Variants in GRM2 observed in about 807,000 individuals in gnomAD.
GRM2 encodes the protein metabotropic glutamate receptor 2.
In GRM2, 35 loss-of-function variants were observed where a neutral mutation model predicts 60.4. The observed-to-expected ratio is 0.58, with a 90% confidence interval of 0.44 to 0.77. The LOEUF (loss-of-function observed/expected upper bound fraction) is 0.77, where lower values mean the gene tolerates loss of function less well. Ranked by LOEUF, GRM2 falls within the 30% of genes least tolerant of loss-of-function variation. The pLI is 0.00. For missense variants in GRM2, 925 were observed against 1,199.5 expected (o/e 0.77, Z 3.38); for synonymous variants, 437 against 484.1 (o/e 0.90, Z 1.28).
In GRM2 at chr3:51,718,034, C is replaced by G. The variant is rs1419467616; in HGVS notation, c.2546-5C>G. ...TGGCCCCAACCTCTGGCTTCCTTTTCTTAGGGTCTGGCTCCCAGTTTGTCC... is the reference window on the plus strand; with the variant it reads ...TGGCCCCAACCTCTGGCTTCCTTTTGTTAGGGTCTGGCTCCCAGTTTGTCC... On this transcript the variant is annotated splice_polypyrimidine_tract_variant and splice_region_variant and intron_variant, in intron 5 of 5. Coordinates refer to ENST00000395052, the MANE Select transcript of GRM2 (RefSeq NM_000839.5). The surrounding 1 kb of genome is among the most constrained non-coding windows in gnomAD (Gnocchi z 4.2). 1 of 1,614,018 alleles carries G rather than the reference C, an allele frequency of 6.2e-7. No individual in the cohort carries two copies. Among genetic ancestry groups the G allele is most frequent in the Non-Finnish European group, 8.5e-7 (1 of 1,179,866 alleles).
Position 51,716,140 on chromosome 3 carries a change from G to A in GRM2, c.2364+3G>A. On this transcript the variant is annotated splice_donor_region_variant and intron_variant, in intron 4 of 5. Coordinates refer to ENST00000395052, the MANE Select transcript of GRM2 (RefSeq NM_000839.5). The surrounding 1 kb of genome is among the most constrained non-coding windows in gnomAD (Gnocchi z 4.0). ...ATGTCACCTCCAGTGACTACCGGGT[G>A]AGCTACCTGCCACAGAGGTCGGGGG... 1 of 1,594,292 alleles carries A rather than the reference G, an allele frequency of 6.3e-7. No homozygotes were observed. Among genetic ancestry groups the A allele is most frequent in the Middle Eastern group, 1.7e-4 (1 of 6,036 alleles).
At position 51,715,697 on chromosome 3, in the gene GRM2, G is replaced by A; in HGVS notation, c.1924G>A (p.Ala642Thr). 6.2e-7 allele frequency: 1 copy of A among 1,614,230 alleles called. No individual in the cohort carries two copies. The highest frequency in any genetic ancestry group is 8.5e-7 in the Non-Finnish European group (1 of 1,180,044). ...CTTACGGCGTCTTGGTTTGGGCACT[G>A]CCTTCTCTGTCTGCTACTCAGCCCT... ...CTLRRLGLGT[A>T]FSVCYSALLT... The change falls in exon 4 of 6, where the codon GCC (alanine) becomes ACC (threonine). Residue 642 changes from alanine (A) to threonine (T), a missense_variant. Physicochemically the swap from Ala to Thr is moderately conservative, Grantham distance 58. Coordinates refer to ENST00000395052, the MANE Select transcript of GRM2 (RefSeq NM_000839.5). This position sits in a 1 kb window ranked among gnomAD's most constrained non-coding sequence, Gnocchi z 9.0.
rs1301892428 is a variant in GRM2, at chr3:51,718,078, G to A, written c.2585G>A (p.Arg862His). ...TTTGTCCCCACTGTTTGCAATGGCC[G>A]TGAGGTGGTGGACTCGACAACGTCA... ...SQFVPTVCNG[R>H]EVVDSTTSSL Residue 862 changes from arginine to histidine, a missense_variant, in exon 6 of 6, where the codon CGT becomes CAT. Coordinates refer to ENST00000395052, the MANE Select transcript of GRM2 (RefSeq NM_000839.5). This position sits in a 1 kb window ranked among gnomAD's most constrained non-coding sequence, Gnocchi z 4.2. 3.1e-6 allele frequency: 5 copies of A among 1,614,104 alleles called. No individual in the cohort carries two copies. The highest frequency in any genetic ancestry group is 2.2e-5 in the East Asian group (1 of 44,878).
intron 1 of GRM2, 166 bp downstream of exon 1, chr3:51,707,333 C>T (rs1001539869): frequency 1.3e-5 from 2 of 152,872 alleles, no homozygotes; most frequent in African/African-American, 4.8e-5. Context: ...CCCCGGGCGT[C>T]CCGCCTTTCT....
rs1295848181 is a variant in GRM2 at position 51,717,971 on chromosome 3, C to T, written c.2546-68C>T. ...AGGGGAGGCTTCCCTCACAGCCCTG[C>T]TTCCCCACTGCCTGCCCTCCATGGA... is the stretch of plus-strand genomic sequence containing the variant. On this transcript the variant is annotated intron_variant, in intron 5 of 5. Transcript: ENST00000395052. This position sits in a 1 kb window ranked among gnomAD's most constrained non-coding sequence, Gnocchi z 6.0. 7 of 1,501,382 alleles carry T rather than the reference C, an allele frequency of 4.7e-6. No individual in the cohort carries two copies. Among genetic ancestry groups the T allele is most frequent in the Non-Finnish European group, 6.5e-6 (7 of 1,077,156 alleles). The allele number at this position is 1,501,382 out of a possible 1,614,324, so 93.0% of individuals were successfully genotyped here. A position where few individuals can be genotyped will look rare whatever the true frequency, so the allele number is the denominator to read the frequency against.
At chr3:51,707,739 TC>T (rs982629832) in intron 1 of GRM2, 2 of 152,438 alleles carry the variant, frequency 1.3e-5, no homozygotes, top group Admixed American at 1.3e-4. Flanking sequence ...AGGCTCAGCC[TC>T]CGTGGCCAGC....
In GRM2 at chr3:51,712,369, AC is replaced by A; in HGVS notation, c.451-102del. The A allele has an allele frequency of 1.3e-6, 1 of 768,410 alleles. No homozygotes were observed. Among genetic ancestry groups the A allele is most frequent in the Non-Finnish European group, 2.2e-6 (1 of 444,906 alleles). The allele number at this position is 768,410 out of a possible 1,614,324, so 47.6% of individuals were successfully genotyped here. On this transcript the variant is annotated intron_variant, in intron 2 of 5. Transcript: ENST00000395052. This position sits in a 1 kb window ranked among gnomAD's most constrained non-coding sequence, Gnocchi z 5.3. ...TTTAGAGAGGGAGCCTTTAGGCCTG[AC>A]CTTGTGGACACTTGACACCAAGACC... is the stretch of plus-strand genomic sequence containing the variant.
rs1703918142 is a variant in GRM2 at position 51,716,909 on chromosome 3, G to A, written c.2365-728G>A. ...CGGCAAAGGCCCCTTCCCCAGGACA[G>A]AGGTGTGGTGGCACAGTGCTGGGGG... On this transcript the variant is annotated intron_variant, in intron 4 of 5. Coordinates refer to ENST00000395052, the MANE Select transcript of GRM2 (RefSeq NM_000839.5). The surrounding 1 kb of genome is among the most constrained non-coding windows in gnomAD (Gnocchi z 4.0). 6.6e-6 allele frequency among the ~76,000 whole-genome samples: 1 copy of A among 152,206 alleles called. No homozygotes were observed. The highest frequency in any genetic ancestry group is 2.4e-5 in the African/African-American group (1 of 41,448).
rs1210284323 is a variant in GRM2 at position 51,715,541 on chromosome 3, G to A, written c.1768G>A (p.Val590Met). Residue 590 changes from valine (V) to methionine (M), a missense_variant, in exon 4 of 6, where the codon GTG becomes ATG. Val to Met is a conservative substitution (Grantham distance 21). Coordinates refer to ENST00000395052, the MANE Select transcript of GRM2 (RefSeq NM_000839.5). The surrounding 1 kb of genome is among the most constrained non-coding windows in gnomAD (Gnocchi z 9.0). The part of the protein sequence containing the change: ...LATLFVLGVF[V>M]RHNATPVVKA... ...CACCCTCTTTGTGCTGGGTGTCTTT[G>A]TGCGGCACAATGCCACACCAGTGGT... The A allele has an allele frequency of 1.2e-6, 2 of 1,613,720 alleles. No individual in the cohort carries two copies. Among genetic ancestry groups the A allele is most frequent in the East Asian group, 2.2e-5 (1 of 44,904 alleles).
Position 51,708,850 on chromosome 3 carries a change from G to T in GRM2, c.-134G>T. The T allele has an allele frequency of 1.6e-6, 1 of 639,270 alleles. No individual in the cohort carries two copies. Among genetic ancestry groups the T allele is most frequent in the Non-Finnish European group, 2.6e-6 (1 of 383,182 alleles). 39.6% of individuals were successfully genotyped at this position (639,270 alleles called of 1,614,324 possible). On this transcript the variant is annotated splice_region_variant and 5_prime_UTR_variant, in exon 2 of 6. Transcript: ENST00000395052. ...TCTGTCTTTCTATCTCTCTGCAGGA[G>T]CTGGGTCCCTTCGCATCTCTCTTCT...
chr3:51,718,122 A>G lies in GRM2; in HGVS notation c.*10A>G. 3 of 1,610,888 alleles carry G rather than the reference A, an allele frequency of 1.9e-6. No homozygotes were observed. Among genetic ancestry groups the G allele is most frequent in the Non-Finnish European group, 2.5e-6 (3 of 1,177,874 alleles). On this transcript the variant is annotated 3_prime_UTR_variant, in exon 6 of 6. Coordinates refer to ENST00000395052, the MANE Select transcript of GRM2 (RefSeq NM_000839.5). The surrounding 1 kb of genome is among the most constrained non-coding windows in gnomAD (Gnocchi z 4.2). ...AACGTCATCGCTTTGAAGACCCCATACTCCCGCCCTGACACAGCTGCTCCT... is the reference window on the plus strand; with the variant it reads ...AACGTCATCGCTTTGAAGACCCCATGCTCCCGCCCTGACACAGCTGCTCCT...
rs964302254 is a variant in GRM2 at position 51,707,125 on chromosome 3, C to G, written c.-179C>G. ...AGCGGGAGCCGGAGCCTCGCGCCCCCCGCTCCACTCCGATTCTCTCCGCGC... is the reference window on the plus strand; with the variant it reads ...AGCGGGAGCCGGAGCCTCGCGCCCCGCGCTCCACTCCGATTCTCTCCGCGC... On this transcript the variant is annotated 5_prime_UTR_variant, in exon 1 of 6. Transcript: ENST00000395052. The G allele has an allele frequency of 3.9e-5, 6 of 152,424 alleles. No homozygotes were observed. The highest frequency in any genetic ancestry group is 9.7e-5 in the African/African-American group (4 of 41,438). 9.4% of individuals were successfully genotyped at this position (152,424 alleles called of 1,614,324 possible). A position where few individuals can be genotyped will look rare whatever the true frequency, so the allele number is the denominator to read the frequency against.
chr3:51,718,095 A>C lies in GRM2; in HGVS notation c.2602A>C (p.Thr868Pro). Reference sequence around the variant, plus strand: ...CAATGGCCGTGAGGTGGTGGACTCGACAACGTCATCGCTTTGAAGACCCCA... The same window carrying C: ...CAATGGCCGTGAGGTGGTGGACTCGCCAACGTCATCGCTTTGAAGACCCCA... ...VCNGREVVDSTTSSL is the reference protein window; with the variant it reads ...VCNGREVVDSPTSSL The change falls in exon 6 of 6, where the codon ACA becomes CCA. Residue 868 changes from threonine (T) to proline (P), a missense_variant. Physicochemically the swap from Thr to Pro is conservative, Grantham distance 38. Coordinates refer to ENST00000395052, the MANE Select transcript of GRM2 (RefSeq NM_000839.5). The surrounding 1 kb of genome is among the most constrained non-coding windows in gnomAD (Gnocchi z 4.2). 6.2e-7 allele frequency: 1 copy of C among 1,614,040 alleles called. No homozygotes were observed. The highest frequency in any genetic ancestry group is 8.5e-7 in the Non-Finnish European group (1 of 1,179,910).
chr3:51,717,979 C>A lies in GRM2; in HGVS notation c.2546-60C>A. 3 of 1,525,154 alleles carry A rather than the reference C, an allele frequency of 2.0e-6. No homozygotes were observed. Among genetic ancestry groups the A allele is most frequent in the Non-Finnish European group, 2.7e-6 (3 of 1,098,764 alleles). The allele number at this position is 1,525,154 out of a possible 1,614,324, so 94.5% of individuals were successfully genotyped here. On this transcript the variant is annotated intron_variant, in intron 5 of 5. Coordinates refer to ENST00000395052, the MANE Select transcript of GRM2 (RefSeq NM_000839.5). This position sits in a 1 kb window ranked among gnomAD's most constrained non-coding sequence, Gnocchi z 6.0. ...CTTCCCTCACAGCCCTGCTTCCCCA[C>A]TGCCTGCCCTCCATGGAGGACCTCG...
Position 51,713,189 on chromosome 3 carries a change from C to A in GRM2, c.1167C>A (p.Ala389=). The change falls in exon 3 of 6, where the codon GCC becomes GCA. Residue 389 remains alanine (A), a synonymous_variant. Transcript: ENST00000395052. The surrounding 1 kb of genome is among the most constrained non-coding windows in gnomAD (Gnocchi z 4.8). The part of the protein sequence containing the change: ...MFVVNAVYAM[A]HALHNMHRAL... Reference sequence around the variant, plus strand: ...TGGTCAATGCAGTGTACGCCATGGCCCATGCGCTCCACAACATGCACCGTG... The same window carrying A: ...TGGTCAATGCAGTGTACGCCATGGCACATGCGCTCCACAACATGCACCGTG... 1 of 1,613,180 alleles carries A rather than the reference C, an allele frequency of 6.2e-7. No individual in the cohort carries two copies. The highest frequency in any genetic ancestry group is 1.1e-5 in the South Asian group (1 of 91,086).
intron 2 of GRM2, among the ~76,000 whole-genome samples, chr3:51,709,933 T>A (rs1703654559): frequency 6.7e-6 from 1 of 148,868 alleles, no homozygotes; most frequent in Non-Finnish European, 1.5e-5. Context: ...CCATGGCACG[T>A]TATTTCTCTT....
Position 51,713,195 on chromosome 3 carries a change from G to C in GRM2, c.1173G>C (p.Ala391=). The change falls in exon 3 of 6, where the codon GCG becomes GCC. Residue 391 remains alanine, a synonymous_variant. Transcript: ENST00000395052. The surrounding 1 kb of genome is among the most constrained non-coding windows in gnomAD (Gnocchi z 4.8). ...ATGCAGTGTACGCCATGGCCCATGC[G>C]CTCCACAACATGCACCGTGCCCTCT... The part of the protein sequence containing the change: ...VVNAVYAMAH[A]LHNMHRALCP... 6.2e-7 allele frequency: 1 copy of C among 1,613,144 alleles called. No individual in the cohort carries two copies. The highest frequency in any genetic ancestry group is 8.5e-7 in the Non-Finnish European group (1 of 1,180,008).
rs567520320 is a variant in GRM2 at position 51,717,351 on chromosome 3, G to A, written c.2365-286G>A. 2.0e-5 allele frequency among the ~76,000 whole-genome samples: 3 copies of A among 152,078 alleles called. No homozygotes were observed. The highest frequency in any genetic ancestry group is 2.1e-4 in the South Asian group (1 of 4,812). On this transcript the variant is annotated intron_variant, in intron 4 of 5. Transcript: ENST00000395052. The surrounding 1 kb of genome is among the most constrained non-coding windows in gnomAD (Gnocchi z 6.0). ...GATATACACACACACCTACATGCAC[G>A]CACTCCATTCCTGCAGCCCCCAGAT...
chr3:51,713,280 A>G lies in GRM2; in HGVS notation c.1258A>G (p.Lys420Glu). The change falls in exon 3 of 6, where the codon AAG becomes GAG. Residue 420 changes from lysine to glutamate, a missense_variant. Coordinates refer to ENST00000395052, the MANE Select transcript of GRM2 (RefSeq NM_000839.5). This position sits in a 1 kb window ranked among gnomAD's most constrained non-coding sequence, Gnocchi z 4.8. ...MRPVNGRRLY[K>E]DFVLNVKFDA... ...GCCAGTTAACGGGCGCCGCCTCTACAAGGACTTTGTGCTCAACGTCAAGTT... is the reference window on the plus strand; with the variant it reads ...GCCAGTTAACGGGCGCCGCCTCTACGAGGACTTTGTGCTCAACGTCAAGTT... The G allele has an allele frequency of 3.1e-6, 5 of 1,611,682 alleles. No individual in the cohort carries two copies. The highest frequency in any genetic ancestry group is 1.3e-5 in the African/African-American group (1 of 75,026).
Sources: allele counts gnomAD v4.1 joint callset (sites outside exome capture counted in the v4.1 genomes callset), GRCh38; gene constraint gnomAD v4.1.1; non-coding constraint Gnocchi (gnomAD v3.1); transcripts MANE v1.5; gene names NCBI Gene and HGNC (gene_info 2026-07-23, HGNC 2026-07-21).